Variants in NF2 observed in about 807,000 individuals in gnomAD.
NF2 encodes the protein merlin.
A neutral mutation model predicts 83.7 loss-of-function variants in NF2; 8 were observed. The ratio of observed to expected loss-of-function variants is 0.10; its 90% CI spans 0.06 to 0.17. NF2 has a LOEUF of 0.17. Among genes scored for constraint, NF2 ranks in the 10% least tolerant of loss-of-function variants. The pLI is 1.00. For missense variants in NF2, 533 were observed against 744.4 expected, an observed-to-expected ratio of 0.72 and a Z score of 3.31; for synonymous variants, 266 against 269.6, an observed-to-expected ratio of 0.99 and a Z score of 0.13.
intron 4 of NF2, among the ~76,000 whole-genome samples, chr22:29,644,531 G>A (rs2065924588): frequency 6.6e-6 from 1 of 152,170 alleles, no homozygotes; most frequent in African/African-American, 2.4e-5. Flanking sequence ...CGGCCGGGCA[G>A]AGGCTGCAAT....
rs772065657 is a variant in NF2, at chr22:29,683,014, G to A, written c.1737+1413G>A. On this transcript the variant is annotated intron_variant, in intron 15 of 15. Transcript: ENST00000338641. Reference sequence around the variant, plus strand: ...TGTTTTTCTTCATTTTATTTTGCTGGTTTAGCCTCAAGCCCAAGGCAGAAG... The same window carrying A: ...TGTTTTTCTTCATTTTATTTTGCTGATTTAGCCTCAAGCCCAAGGCAGAAG... The A allele has an allele frequency of 9.9e-6, 16 of 1,614,038 alleles. 1 individual carries two copies. The highest frequency in any genetic ancestry group is 3.3e-5 in the South Asian group (3 of 91,076).
At chr22:29,680,342 C>T (rs1209301264) in intron 14 of NF2, among the ~76,000 whole-genome samples, 1 of 152,192 alleles carries the variant, frequency 6.6e-6, no homozygotes, top group Admixed American at 6.5e-5. Context: ...GAACTCCTGA[C>T]CTCATGATCC....
At chr22:29,637,678 T>G (rs1341125352) in intron 2 of NF2, among the ~76,000 whole-genome samples, 1 of 142,590 alleles carries the variant, frequency 7.0e-6, no homozygotes, top group Non-Finnish European at 1.6e-5. Context: ...TAATAAATAA[T>G]GAAAGCTTCC....
At position 29,673,483 on chromosome 22, in the gene NF2, G is replaced by A. The variant is rs2147084218; in HGVS notation, c.1337G>A (p.Arg446Lys). 1.2e-6 allele frequency: 2 copies of A among 1,606,604 alleles called. No individual in the cohort carries two copies. The highest frequency in any genetic ancestry group is 2.2e-5 in the South Asian group (2 of 89,034). ...LALKMAEESE[R>K]RAKEADQLKQ... ...CTGAAGATGGCTGAGGAGTCAGAGA[G>A]GAGGTGAGGGGGCACCGGGCACCAG... The change falls in exon 12 of 16, where the codon AGG (arginine) becomes AAG (lysine). Residue 446 changes from arginine to lysine, a missense_variant. By Grantham distance (26) the Arg-to-Lys change is conservative. Around this residue, in one of 3 missense-constraint regions of NF2, gnomAD observed 199 missense variants for 240.7 expected, o/e 0.83. Transcript: ENST00000338641.
At chr22:29,692,611 T>G (rs940475246) in intron 15 of NF2, among the ~76,000 whole-genome samples, 1 of 152,182 alleles carries the variant, frequency 6.6e-6, no homozygotes, top group Non-Finnish European at 1.5e-5. Flanking sequence ...CCTGGGGAAG[T>G]GGCCAGGCTT....
At chr22:29,665,325 C>T (rs932930935) in intron 9 of NF2, among the ~76,000 whole-genome samples, 5 of 151,534 alleles carry the variant, frequency 3.3e-5, no homozygotes, top group South Asian at 4.2e-4. Flanking sequence ...CTCACTGCAA[C>T]GTCCGCCTCC....
Position 29,694,136 on chromosome 22 carries a change from A to G in NF2, c.1738-616A>G, listed in dbSNP as rs948936878. The stretch of plus-strand genomic sequence containing the variant: ...GTGCACCAGCCCTCCCTGCCTGCAC[A>G]AGCCACACTGAGAAAGCCGTTGCCT... On this transcript the variant is annotated intron_variant, in intron 15 of 15. Transcript: ENST00000338641. The surrounding 1 kb of genome is among the most constrained non-coding windows in gnomAD (Gnocchi z 4.1). 1.3e-5 allele frequency among the ~76,000 whole-genome samples: 2 copies of G among 152,226 alleles called. No individual in the cohort carries two copies. Among genetic ancestry groups the G allele is most frequent in the Non-Finnish European group, 2.9e-5 (2 of 68,044 alleles).
chr22:29,628,538 C>G (rs2065427780), intron 1 of NF2, among the ~76,000 whole-genome samples: 1 of 150,548 alleles, frequency 6.6e-6, no homozygotes, highest in African/African-American at 2.4e-5. Flanking sequence ...AAGAAAATTA[C>G]TTGCTGTAGT....
At chr22:29,677,645 C>T (rs935885182) in intron 13 of NF2, among the ~76,000 whole-genome samples, 5 of 152,222 alleles carry the variant, frequency 3.3e-5, no homozygotes, top group Non-Finnish European at 7.3e-5. Flanking sequence ...ATGGCAGACT[C>T]CTGGCACCCT....
intron 14 of NF2, among the ~76,000 whole-genome samples, chr22:29,680,222 C>T (rs1050411241): frequency 6.6e-6 from 1 of 152,068 alleles, no homozygotes; most frequent in African/African-American, 2.4e-5. Flanking sequence ...AGCGATTCTC[C>T]TGCCTCAGCC....
At chr22:29,683,296 A>C in intron 15 of NF2, 3 of 1,441,426 alleles carry the variant, frequency 2.1e-6, no homozygotes, top group Non-Finnish European at 2.7e-6. Context: ...AGAGCATGTC[A>C]TGGGGCTGTA....
chr22:29,656,975 A>T (rs1287272736), intron 6 of NF2, among the ~76,000 whole-genome samples: 1 of 151,854 alleles, frequency 6.6e-6, no homozygotes, highest in East Asian at 1.9e-4. Flanking sequence ...TGTTTTCATT[A>T]GCCTTTAACA....
intron 14 of NF2, among the ~76,000 whole-genome samples, chr22:29,680,861 A>AG (rs1424691369): frequency 6.6e-6 from 1 of 152,042 alleles, no homozygotes; most frequent in African/African-American, 2.4e-5. Flanking sequence ...TATAAAAAAA[A>AG]AAAAGAGTTT....
At position 29,698,314 on chromosome 22, in the gene NF2, G is replaced by C; in HGVS notation, c.*3512G>C. ...TCAAAAGCCCAGAGACTGACAACCAGCTGCAGTGTCTAAGTGTTCCTCACT... is the reference window on the plus strand; with the variant it reads ...TCAAAAGCCCAGAGACTGACAACCACCTGCAGTGTCTAAGTGTTCCTCACT... On this transcript the variant is annotated 3_prime_UTR_variant, in exon 16 of 16. Coordinates refer to ENST00000338641, the MANE Select transcript of NF2 (RefSeq NM_000268.4). The C allele has an allele frequency of 8.9e-6, 2 of 223,918 alleles. No homozygotes were observed. Among genetic ancestry groups the C allele is most frequent in the Non-Finnish European group, 1.8e-5 (2 of 112,142 alleles). 13.9% of individuals were successfully genotyped at this position (223,918 alleles called of 1,614,324 possible). A position where few individuals can be genotyped will look rare whatever the true frequency, so the allele number is the denominator to read the frequency against.
intron 1 of NF2, among the ~76,000 whole-genome samples, chr22:29,608,063 C>T (rs908693334): frequency 2.1e-5 from 3 of 144,628 alleles, no homozygotes; most frequent in Admixed American, 7.1e-5. Context: ...GTCCCAGCTA[C>T]GCGGGAGGCT....
At chr22:29,605,321 C>T (rs1470683825) in intron 1 of NF2, among the ~76,000 whole-genome samples, 2 of 152,074 alleles carry the variant, frequency 1.3e-5, no homozygotes, top group East Asian at 3.9e-4. Context: ...TGCGCCACCT[C>T]GTCTGGCTAA....
intron 1 of NF2, among the ~76,000 whole-genome samples, chr22:29,625,269 T>G (rs1319150483): frequency 6.6e-6 from 1 of 152,140 alleles, no homozygotes; most frequent in East Asian, 1.9e-4. Context: ...CAATCTCTAT[T>G]TAGCTTGATG....
At chr22:29,669,421 A>T (rs1168247286) in intron 10 of NF2, among the ~76,000 whole-genome samples, 1 of 152,194 alleles carries the variant, frequency 6.6e-6, no homozygotes, top group Non-Finnish European at 1.5e-5. Context: ...AGGCAGGAGG[A>T]TCACTTGCCT....
chr22:29,671,499 A>G (rs2066785748), intron 10 of NF2, among the ~76,000 whole-genome samples: 1 of 152,216 alleles, frequency 6.6e-6, no homozygotes, highest in African/African-American at 2.4e-5. Flanking sequence ...ACTGCACTCC[A>G]GCCTGGGTGA....
Sources: allele counts gnomAD v4.1 joint callset (sites outside exome capture counted in the v4.1 genomes callset), GRCh38; gene constraint gnomAD v4.1.1; regional missense constraint gnomAD v4.1.1; non-coding constraint Gnocchi (gnomAD v3.1); transcripts MANE v1.5; gene names NCBI Gene and HGNC (gene_info 2026-07-23, HGNC 2026-07-21).